Variants in CD200R1L observed in about 807,000 individuals in gnomAD.
The protein encoded by CD200R1L is cell surface glycoprotein CD200 receptor 2.
In CD200R1L, 14 loss-of-function variants were observed where a neutral mutation model predicts 24.8. That is an observed-to-expected ratio of 0.56 (90% CI 0.37 to 0.88). The LOEUF (loss-of-function observed/expected upper bound fraction) is 0.88. Ranked by LOEUF, CD200R1L falls within the 40% of genes least tolerant of loss-of-function variation. The pLI is 0.00. For missense variants in CD200R1L, 299 were observed against 297.8 expected (o/e 1.00, Z -0.03); for synonymous variants, 111 against 109.2 (o/e 1.02, Z -0.11).
chr3:112,819,675 G>A, intron 7 of CD200R1L, 97 bp downstream of exon 7: 2 of 1,308,390 alleles, frequency 1.5e-6, no homozygotes. Flanking sequence ...TACCAAAAAA[G>A]TGTCAAGCTT....
chr3:112,845,662 C>G lies in CD200R1L; in HGVS notation c.-87+17G>C, dbSNP rs751483883. 2 of 1,599,966 alleles carry G rather than the reference C, an allele frequency of 1.3e-6. No homozygotes were observed. Among genetic ancestry groups the G allele is most frequent in the South Asian group, 2.2e-5 (2 of 90,164 alleles). On this transcript the variant is annotated intron_variant, in intron 2 of 7. Transcript: ENST00000488794. ...AAGCTTTATTTTCAGCTGAAAATGT[C>G]ACAGTATCAGACTTACCAGACACCA...
intron 7 of CD200R1L, 150 bp downstream of exon 7, chr3:112,819,622 G>A (rs1253290186): frequency 4.5e-6 from 3 of 669,326 alleles, no homozygotes; most frequent in Non-Finnish European, 4.5e-6. Context: ...AGTTGTTAAT[G>A]ATGCCTTCAC....
intron 6 of CD200R1L, among the ~76,000 whole-genome samples, chr3:112,820,914 G>A (rs13064475): frequency 0.58 from 88,093 of 151,162 alleles, 28,485 homozygotes; most frequent in Non-Finnish European, 0.72. Context: ...AAAATTAGCC[G>A]AGCGTGGTGG....
Position 112,819,664 on chromosome 3 carries a change from A to G in CD200R1L, c.740+108T>C, listed in dbSNP as rs537934690. ...GAAGGGGCTGGAGGGAGAATACAAC[A>G]TACCAAAAAAGTGTCAAGCTTTTCC... On this transcript the variant is annotated intron_variant, in intron 7 of 7. Transcript: ENST00000488794. 11 of 1,221,556 alleles carry G rather than the reference A, an allele frequency of 9.0e-6. No homozygotes were observed. In the African/African-American group the frequency reaches 1.1e-4, roughly 12 times the overall value. The allele number at this position is 1,221,556 out of a possible 1,614,324, so 75.7% of individuals were successfully genotyped here.
At chr3:112,832,721 C>G (rs1938831677) in intron 3 of CD200R1L, among the ~76,000 whole-genome samples, 1 of 152,158 alleles carries the variant, frequency 6.6e-6, no homozygotes, top group African/African-American at 2.4e-5. Flanking sequence ...ACTCCAGTTG[C>G]AGTATGTGGT....
intron 2 of CD200R1L, among the ~76,000 whole-genome samples, chr3:112,844,175 T>G (rs1939143793): frequency 6.6e-6 from 1 of 152,190 alleles, no homozygotes; most frequent in Non-Finnish European, 1.5e-5. Context: ...TGGTCTTAAA[T>G]GTAATATTTG....
At chr3:112,829,057 T>A (rs1162604363) in intron 4 of CD200R1L, among the ~76,000 whole-genome samples, 1 of 152,224 alleles carries the variant, frequency 6.6e-6, no homozygotes. Context: ...GAAGCAGGAC[T>A]TTAACGCAGA....
At chr3:112,841,693 C>G (rs1939084289) in intron 2 of CD200R1L, among the ~76,000 whole-genome samples, 1 of 152,234 alleles carries the variant, frequency 6.6e-6, no homozygotes, top group South Asian at 2.1e-4. Context: ...TGCCTTGCCA[C>G]TCCTGAAATA....
Position 112,827,424 on chromosome 3 carries a change from C to T in CD200R1L, c.310G>A (p.Gly104Ser). 1 of 1,614,126 alleles carries T rather than the reference C, an allele frequency of 6.2e-7. No homozygotes were observed. The highest frequency in any genetic ancestry group is 1.3e-5 in the African/African-American group (1 of 75,008). ...TTCCCATCAGGTGTTACCACTATGC[C>T]TCTGTAATACCCGTCATGAGTGGTG... Reference protein sequence around the residue: ...VDTTHDGYYRGIVVTPDGNFH... With the variant: ...VDTTHDGYYRSIVVTPDGNFH... The change falls in exon 5 of 8, where the codon GGC (glycine) becomes AGC (serine). Residue 104 changes from glycine to serine, a missense_variant. Transcript: ENST00000488794.
rs556422464 is a variant in CD200R1L at position 112,829,020 on chromosome 3, T to C, written c.49+299A>G. On this transcript the variant is annotated intron_variant, in intron 4 of 7. Transcript: ENST00000488794. ...TTAACCCTTATATTTGACAGTCAAATAATGATCACATAACCAGATGCAGAA... is the reference window on the plus strand; with the variant it reads ...TTAACCCTTATATTTGACAGTCAAACAATGATCACATAACCAGATGCAGAA... Among the ~76,000 whole-genome samples, 14 of 152,314 alleles carry C rather than the reference T, an allele frequency of 9.2e-5. No homozygotes were observed. In the South Asian group the frequency reaches 2.7e-3, roughly 29 times the overall value.
intron 7 of CD200R1L, among the ~76,000 whole-genome samples, chr3:112,817,019 A>G (rs529422013): frequency 3.9e-5 from 6 of 152,134 alleles, no homozygotes; most frequent in Admixed American, 2.6e-4. Context: ...TAAATTACCC[A>G]GTCTTGGATA....
chr3:112,828,983 T>G (rs985737411), intron 4 of CD200R1L, among the ~76,000 whole-genome samples: 2 of 152,224 alleles, frequency 1.3e-5, no homozygotes, highest in African/African-American at 4.8e-5. Flanking sequence ...CACCTGTCTC[T>G]TATGTGGTAC....
Position 112,819,777 on chromosome 3 carries a change from A to G in CD200R1L, c.735T>C (p.His245=), listed in dbSNP as rs1163323877. ...TTTCAGTCTTCAGTTCCTACCTGACATGATTTATCCTCTGGAAGAAAACAA... is the reference window on the plus strand; with the variant it reads ...TTTCAGTCTTCAGTTCCTACCTGACGTGATTTATCCTCTGGAAGAAAACAA... ...TGFVFFQRIN[H]VRKVL The change falls in exon 7 of 8, where the codon CAT becomes CAC. Residue 245 remains histidine, a synonymous_variant. Coordinates refer to ENST00000488794, the MANE Select transcript of CD200R1L (RefSeq NM_001199215.3). 3.8e-6 allele frequency: 6 copies of G among 1,599,912 alleles called. No individual in the cohort carries two copies. Among genetic ancestry groups the G allele is most frequent in the African/African-American group, 1.4e-5 (1 of 73,928 alleles).
chr3:112,819,162 T>C (rs1354771165), intron 7 of CD200R1L, among the ~76,000 whole-genome samples: 1 of 151,990 alleles, frequency 6.6e-6, no homozygotes, highest in Non-Finnish European at 1.5e-5. Context: ...GGGAAACCAC[T>C]CCCATGATCC....
intron 2 of CD200R1L, among the ~76,000 whole-genome samples, chr3:112,841,070 G>A (rs1401450575): frequency 6.6e-6 from 1 of 152,088 alleles, no homozygotes; most frequent in Non-Finnish European, 1.5e-5. Context: ...TTGATGGTTT[G>A]ATATGGTTTG....
rs1939192602 is a variant in CD200R1L at position 112,845,937 on chromosome 3, G to A, written c.-345C>T. On this transcript the variant is annotated 5_prime_UTR_variant, in exon 2 of 8. Coordinates refer to ENST00000488794, the MANE Select transcript of CD200R1L (RefSeq NM_001199215.3). Reference sequence around the variant, plus strand: ...GACTGATTAACCACTGATGGGAAATGTCAGTGAGTTTTGCTGTGTAATAAA... The same window carrying A: ...GACTGATTAACCACTGATGGGAAATATCAGTGAGTTTTGCTGTGTAATAAA... 1 of 522,084 alleles carries A rather than the reference G, an allele frequency of 1.9e-6. No homozygotes were observed. Among genetic ancestry groups the A allele is most frequent in the Admixed American group, 3.6e-5 (1 of 27,904 alleles). 32.3% of individuals were successfully genotyped at this position (522,084 alleles called of 1,614,324 possible). A position where few individuals can be genotyped will look rare whatever the true frequency, so the allele number is the denominator to read the frequency against.
At chr3:112,816,056 G>A (rs374092137) in intron 7 of CD200R1L, 81 bp from the exon 8 acceptor site, 1 of 746,302 alleles carries the variant, frequency 1.3e-6, no homozygotes. Context: ...AAAGGAAACT[G>A]AGAAATGCCT....
chr3:112,835,534 C>T (rs1017963438), intron 3 of CD200R1L, among the ~76,000 whole-genome samples: 2 of 152,254 alleles, frequency 1.3e-5, no homozygotes, highest in Non-Finnish European at 1.5e-5. Context: ...AGAAAAAGCA[C>T]TACAAGTTCC....
At chr3:112,831,673 T>C (rs1051399209) in intron 3 of CD200R1L, among the ~76,000 whole-genome samples, 38 of 152,090 alleles carry the variant, frequency 2.5e-4, no homozygotes, top group African/African-American at 8.9e-4. Context: ...CATGTAAAAA[T>C]TGGAGGTATG....
Sources: gnomAD v4.1 joint callset for allele counts (sites outside exome capture counted in the v4.1 genomes callset) on GRCh38, gnomAD v4.1.1 for gene constraint, MANE v1.5 for transcripts, NCBI Gene and HGNC (gene_info 2026-07-23, HGNC 2026-07-21) for gene names.